The following ZNRF2 variants were observed in gnomAD, a reference collection of about 807,000 sequenced individuals.
The protein encoded by ZNRF2 is E3 ubiquitin-protein ligase ZNRF2.
Under a neutral mutation model 20.4 loss-of-function variants are expected in ZNRF2, and 16 were observed. The observed-to-expected ratio is 0.79, with a 90% CI of 0.53 to 1.19. The LOEUF is 1.19. Among genes scored for constraint, ZNRF2 ranks in the 50% most tolerant of loss-of-function variants. ZNRF2 has a pLI of 0.00. For synonymous variants in ZNRF2, 178 were observed against 144.9 expected, an observed-to-expected ratio of 1.23 and a Z score of -1.64; for missense variants, 363 against 332.4, an observed-to-expected ratio of 1.09 and a Z score of -0.72.
intron 2 of ZNRF2, among the ~76,000 whole-genome samples, chr7:30,331,492 G>A (rs1039847086): frequency 6.6e-6 from 1 of 152,156 alleles, no homozygotes; most frequent in East Asian, 1.9e-4. Context: ...CAAGTATAAG[G>A]TAGTTCTGAG....
chr7:30,339,765 A>G (rs1268983251), intron 2 of ZNRF2, among the ~76,000 whole-genome samples: 1 of 152,114 alleles, frequency 6.6e-6, no homozygotes, highest in African/African-American at 2.4e-5. Flanking sequence ...TTGGTTCCCT[A>G]TGAAATTTAA....
chr7:30,289,131 G>C (rs1798850082), intron 1 of ZNRF2: 2 of 152,302 alleles, frequency 1.3e-5, no homozygotes, highest in South Asian at 4.1e-4. Flanking sequence ...CAGTGGTGCT[G>C]GGTTGCTTTT....
intron 1 of ZNRF2, among the ~76,000 whole-genome samples, chr7:30,322,736 A>G (rs951962644): frequency 1.3e-5 from 2 of 152,006 alleles, no homozygotes; most frequent in African/African-American, 4.8e-5. Flanking sequence ...TAGCCAAACT[A>G]TAAGTTGGCT....
chr7:30,297,661 G>A (rs2128056830), intron 1 of ZNRF2, among the ~76,000 whole-genome samples: 1 of 151,816 alleles, frequency 6.6e-6, no homozygotes, highest in South Asian at 2.1e-4. Flanking sequence ...ATTATTACAT[G>A]TCTTGGGAGG....
At chr7:30,289,389 C>T (rs1342877327) in intron 1 of ZNRF2, among the ~76,000 whole-genome samples, 2 of 152,202 alleles carry the variant, frequency 1.3e-5, no homozygotes, top group Admixed American at 6.5e-5. Context: ...ATTATGGAAT[C>T]GGTCTCAGTT....
chr7:30,293,219 C>A (rs532303409), intron 1 of ZNRF2, among the ~76,000 whole-genome samples: 1 of 151,344 alleles, frequency 6.6e-6, no homozygotes, highest in South Asian at 2.1e-4. Context: ...ATACTGTTGC[C>A]ATGAACACCC....
chr7:30,328,972 T>C (rs1185926050), intron 2 of ZNRF2, among the ~76,000 whole-genome samples: 1 of 152,224 alleles, frequency 6.6e-6, no homozygotes, highest in Non-Finnish European at 1.5e-5. Context: ...TCATATACTT[T>C]TCCCTCTTTC....
chr7:30,355,842 A>G lies in ZNRF2; in HGVS notation c.671+9A>G, dbSNP rs1372682502. On this transcript the variant is annotated intron_variant, in intron 3 of 4. Coordinates refer to ENST00000323037, the MANE Select transcript of ZNRF2 (RefSeq NM_147128.4). The stretch of plus-strand genomic sequence containing the variant: ...TGCATATATCATAAAGGGTAAGTTC[A>G]CCAAGTTGGTATTAGAGTAAAAGAT... 2 of 1,596,490 alleles carry G rather than the reference A, an allele frequency of 1.3e-6. No homozygotes were observed. The highest frequency in any genetic ancestry group is 1.7e-6 in the Non-Finnish European group (2 of 1,165,338).
At chr7:30,321,742 T>G (rs2128062863) in intron 1 of ZNRF2, among the ~76,000 whole-genome samples, 1 of 152,320 alleles carries the variant, frequency 6.6e-6, no homozygotes, top group African/African-American at 2.4e-5. Flanking sequence ...GAAGCAAATT[T>G]TTTAAGTTTC....
chr7:30,312,441 T>C (rs1305777859), intron 1 of ZNRF2, among the ~76,000 whole-genome samples: 1 of 152,200 alleles, frequency 6.6e-6, no homozygotes, highest in Non-Finnish European at 1.5e-5. Context: ...GCTTTAAAAA[T>C]GTCTTTTAGC....
intron 1 of ZNRF2, among the ~76,000 whole-genome samples, chr7:30,291,666 T>TAA (rs1798912941): frequency 6.6e-6 from 1 of 152,208 alleles, no homozygotes; most frequent in Non-Finnish European, 1.5e-5. Context: ...TCAGGCCTGT[T>TAA]AAATTTGAGT....
chr7:30,312,118 A>G (rs1165084169), intron 1 of ZNRF2, among the ~76,000 whole-genome samples: 1 of 152,144 alleles, frequency 6.6e-6, no homozygotes, highest in African/African-American at 2.4e-5. Flanking sequence ...CTGGGACTAC[A>G]GGCACACACC....
intron 1 of ZNRF2, among the ~76,000 whole-genome samples, chr7:30,316,251 G>GTACT (rs1799372599): frequency 8.8e-6 from 1 of 113,830 alleles, no homozygotes; most frequent in Non-Finnish European, 1.6e-5. Context: ...TTGCACCACT[G>GTACT]TACTCCAGCC....
intron 1 of ZNRF2, among the ~76,000 whole-genome samples, chr7:30,316,288 C>CA (rs60218988): frequency 0.077 from 2,131 of 27,524 alleles, 465 homozygotes; most frequent in Middle Eastern, 0.2. Context: ...AACTCCATCT[C>CA]AAAAAAAAAA....
intron 2 of ZNRF2, among the ~76,000 whole-genome samples, chr7:30,348,227 A>G (rs931139137): frequency 3.3e-5 from 5 of 151,222 alleles, no homozygotes; most frequent in African/African-American, 1.2e-4. Context: ...CAAAACCACA[A>G]GCAGTCAAAG....
At chr7:30,306,183 A>G (rs1799201650) in intron 1 of ZNRF2, among the ~76,000 whole-genome samples, 1 of 152,228 alleles carries the variant, frequency 6.6e-6, no homozygotes, top group Non-Finnish European at 1.5e-5. Flanking sequence ...TACTATCAAA[A>G]TAATAAATTC....
intron 2 of ZNRF2, among the ~76,000 whole-genome samples, chr7:30,325,970 T>C (rs192067084): frequency 4.7e-4 from 72 of 152,260 alleles, no homozygotes; most frequent in Non-Finnish European, 8.4e-4. Context: ...TTAATATGAG[T>C]GCCTTTAAAT....
At position 30,284,713 on chromosome 7, in the gene ZNRF2, C is replaced by T. The variant is rs1362840233; in HGVS notation, c.-645C>T. 5.7e-6 allele frequency: 1 copy of T among 176,802 alleles called. No homozygotes were observed. The allele number at this position is 176,802 out of a possible 1,614,324, so 11.0% of individuals were successfully genotyped here. On this transcript the variant is annotated 5_prime_UTR_variant, in exon 1 of 5. Transcript: ENST00000323037. ...CGCCTTCGCGGCCCAGATCCTCCCG[C>T]CAGCCCGGCCCCTCCTTCGCAGGGG... is the stretch of plus-strand genomic sequence containing the variant.
intron 1 of ZNRF2, among the ~76,000 whole-genome samples, chr7:30,303,263 C>CAAA (rs747523201): frequency 9.3e-6 from 1 of 107,076 alleles, no homozygotes; most frequent in Non-Finnish European, 2.0e-5. Context: ...GATCCTGTCT[C>CAAA]AAAAAAAAAA....
Sources: allele counts gnomAD v4.1 joint callset (sites outside exome capture counted in the v4.1 genomes callset), GRCh38; gene constraint gnomAD v4.1.1; transcripts MANE v1.5; gene names NCBI Gene and HGNC (gene_info 2026-07-23, HGNC 2026-07-21).